Variants in MRTFB observed in about 807,000 individuals in gnomAD.
The protein encoded by MRTFB is myocardin-related transcription factor B.
In MRTFB, 29 loss-of-function variants were observed where a neutral mutation model predicts 104.2. The ratio of observed to expected loss-of-function variants is 0.28; its 90% CI spans 0.21 to 0.38. The LOEUF (loss-of-function observed/expected upper bound fraction) is 0.38, where lower values mean the gene tolerates loss of function less well. Among genes scored for constraint, MRTFB ranks in the 10% least tolerant of loss-of-function variants. The pLI, the probability that MRTFB is intolerant of heterozygous loss-of-function variation, is 1.00. For synonymous variants in MRTFB, 535 were observed against 519.5 expected, an observed-to-expected ratio of 1.03 and a Z score of -0.41; for missense variants, 1,270 against 1,341.6, an observed-to-expected ratio of 0.95 and a Z score of 0.83.
rs2043068396 is a variant in MRTFB at position 14,247,422 on chromosome 16, A to C, written c.2162A>C (p.Gln721Pro). The part of the protein sequence containing the change: ...VAQPQALLTT[Q>P]TAQLLLPVSI... ...CAGCCCCAGGCTTTACTGACCACGC[A>C]GACTGCTCAGCTGCTGCTCCCAGTG... Residue 721 changes from glutamine to proline, a missense_variant, in exon 12 of 17, where the codon CAG (glutamine) becomes CCG (proline). Coordinates refer to ENST00000571589, the MANE Select transcript of MRTFB (RefSeq NM_001308142.2). 1 of 1,610,684 alleles carries C rather than the reference A, an allele frequency of 6.2e-7. No homozygotes were observed. The highest frequency in any genetic ancestry group is 8.5e-7 in the Non-Finnish European group (1 of 1,179,860).
intron 15 of MRTFB, among the ~76,000 whole-genome samples, chr16:14,254,182 A>G (rs1281537972): frequency 6.6e-6 from 1 of 152,218 alleles, no homozygotes; most frequent in Non-Finnish European, 1.5e-5. Flanking sequence ...TCCTGCTTAT[A>G]TGCCATTGAG....
intron 1 of MRTFB, among the ~76,000 whole-genome samples, chr16:14,076,598 G>A (rs1485707928): frequency 1.6e-4 from 25 of 152,158 alleles, no homozygotes; most frequent in Non-Finnish European, 2.9e-5. Flanking sequence ...CACAAATGAC[G>A]CTGTGCTGAA....
At chr16:14,063,808 A>C in the MRTFB span, among the ~76,000 whole-genome samples, 48 of 152,334 alleles carry the variant, frequency 3.2e-4, no homozygotes, top group African/African-American at 1.1e-3. Flanking sequence ...ACATGATCTC[A>C]TTCTTTTTCA....
chr16:14,204,264 C>G (rs866487526), intron 3 of MRTFB, among the ~76,000 whole-genome samples: 1 of 152,184 alleles, frequency 6.6e-6, no homozygotes, highest in South Asian at 2.1e-4. Context: ...GCATGAAGCA[C>G]CGAGTTTGGC....
chr16:14,017,705 ATATATATTTTTTT>A, the MRTFB span, among the ~76,000 whole-genome samples: 66 of 28,280 alleles, frequency 2.3e-3, 5 homozygotes, highest in African/African-American at 4.5e-3. Flanking sequence ...ATATATATAT[ATATATATTTTTTT>A]TTTTTTTTTT....
intron 8 of MRTFB, among the ~76,000 whole-genome samples, chr16:14,230,667 A>G (rs2042217471): frequency 6.6e-6 from 1 of 152,178 alleles, no homozygotes; most frequent in Non-Finnish European, 1.5e-5. Flanking sequence ...AAATAGGAAC[A>G]CTTTTACACT....
intron 3 of MRTFB, among the ~76,000 whole-genome samples, chr16:14,192,690 G>A (rs943227202): frequency 2.0e-5 from 3 of 152,158 alleles, no homozygotes; most frequent in African/African-American, 7.2e-5. Context: ...AAAAAGCTAT[G>A]TATGCTTTGG....
At chr16:14,168,834 A>G (rs1163979494) in intron 3 of MRTFB, among the ~76,000 whole-genome samples, 1 of 152,184 alleles carries the variant, frequency 6.6e-6, no homozygotes, top group Non-Finnish European at 1.5e-5. Flanking sequence ...TGAGAGTTCC[A>G]GTTGTGCCAC....
At chr16:14,027,966 T>G in the MRTFB span, among the ~76,000 whole-genome samples, 2 of 152,104 alleles carry the variant, frequency 1.3e-5, no homozygotes, top group Non-Finnish European at 2.9e-5. Context: ...GGCTTGAGCT[T>G]AGGAATTCAA....
chr16:14,091,563 C>G (rs1675569210), intron 2 of MRTFB, among the ~76,000 whole-genome samples: 1 of 152,142 alleles, frequency 6.6e-6, no homozygotes, highest in South Asian at 2.1e-4. Flanking sequence ...GTTGGAAGCT[C>G]TCTATCACCA....
the MRTFB span, among the ~76,000 whole-genome samples, chr16:14,048,333 C>T: frequency 5.0e-4 from 76 of 152,224 alleles, no homozygotes; most frequent in African/African-American, 1.8e-3. Flanking sequence ...ATAGAGGGCT[C>T]CTGGATATAA....
chr16:14,053,333 C>G, the MRTFB span, among the ~76,000 whole-genome samples: 1 of 152,150 alleles, frequency 6.6e-6, no homozygotes, highest in East Asian at 1.9e-4. Context: ...ATTTGTTAGA[C>G]AGTTAGGTGG....
At chr16:14,178,987 C>T (rs1425097345) in intron 3 of MRTFB, among the ~76,000 whole-genome samples, 1 of 152,144 alleles carries the variant, frequency 6.6e-6, no homozygotes, top group Non-Finnish European at 1.5e-5. Context: ...AAGAAATCCA[C>T]CCACCTTAGC....
At chr16:14,150,247 G>T (rs1437174856) in intron 3 of MRTFB, among the ~76,000 whole-genome samples, 2 of 152,192 alleles carry the variant, frequency 1.3e-5, no homozygotes, top group African/African-American at 4.8e-5. Flanking sequence ...TGCTCTGAGG[G>T]TTAGATCAAG....
the MRTFB span, among the ~76,000 whole-genome samples, chr16:14,056,989 C>G: frequency 6.6e-6 from 1 of 152,146 alleles, no homozygotes; most frequent in Admixed American, 6.6e-5. Flanking sequence ...CTCACCCTTC[C>G]TCTCATCTTT....
chr16:14,208,633 T>C (rs1051979214), intron 3 of MRTFB, among the ~76,000 whole-genome samples: 17 of 152,192 alleles, frequency 1.1e-4, no homozygotes, highest in African/African-American at 3.4e-4. Context: ...TTGAATATGA[T>C]TATCTTAAAT....
the MRTFB span, among the ~76,000 whole-genome samples, chr16:13,995,267 C>G: frequency 6.6e-6 from 1 of 152,132 alleles, no homozygotes; most frequent in Non-Finnish European, 1.5e-5. Flanking sequence ...GTCAGGTTAT[C>G]TTCTAAGGTC....
At chr16:14,121,706 G>A (rs2142296575) in intron 2 of MRTFB, among the ~76,000 whole-genome samples, 1 of 152,176 alleles carries the variant, frequency 6.6e-6, no homozygotes. Context: ...TGTAAAGGTA[G>A]CACACGCTCA....
the MRTFB span, among the ~76,000 whole-genome samples, chr16:14,065,490 A>G: frequency 6.6e-6 from 1 of 152,180 alleles, no homozygotes; most frequent in Admixed American, 6.5e-5. Flanking sequence ...GACTTCCAGT[A>G]CTATGCTGAA....
Sources: gnomAD v4.1 joint callset for allele counts (sites outside exome capture counted in the v4.1 genomes callset) on GRCh38, gnomAD v4.1.1 for gene constraint, MANE v1.5 for transcripts, NCBI Gene and HGNC (gene_info 2026-07-23, HGNC 2026-07-21) for gene names.